TMEM276: variants seen among roughly 807,000 people sequenced by gnomAD.
TMEM276 encodes the protein transmembrane protein 276.
the TMEM276 span, chr8:144,465,371 C>A: frequency 9.6e-7 from 1 of 1,036,762 alleles, no homozygotes; most frequent in Non-Finnish European, 1.2e-6. Flanking sequence ...GCGGTCCCAA[C>A]GCAGCGGCGA....
At chr8:144,464,517 A>G in the TMEM276 span, 1 of 1,612,356 alleles carries the variant, frequency 6.2e-7, no homozygotes, top group South Asian at 1.1e-5. Context: ...CCCAGGCTCC[A>G]GCAAGGCAGT....
chr8:144,464,259 T>G, the TMEM276 span: 10 of 1,613,156 alleles, frequency 6.2e-6, no homozygotes, highest in South Asian at 7.7e-5. Context: ...TCAGGAGGCC[T>G]GCCACACCCA....
At chr8:144,464,581 A>G in the TMEM276 span, 8 of 1,610,196 alleles carry the variant, frequency 5.0e-6, no homozygotes, top group Non-Finnish European at 6.8e-6. Flanking sequence ...CAAGACCTGG[A>G]GCAGGAAGCC....
At chr8:144,466,847 G>C in the TMEM276 span, 22 of 1,536,774 alleles carry the variant, frequency 1.4e-5, no homozygotes, top group Non-Finnish European at 1.9e-5. Context: ...CGGTAGGTGC[G>C]GGCTGGGAGT....
the TMEM276 span, chr8:144,466,393 C>T: frequency 2.8e-6 from 3 of 1,061,864 alleles, no homozygotes; most frequent in Non-Finnish European, 2.4e-6. Flanking sequence ...CGGCGCGAAG[C>T]GGGGCCCTCT....
the TMEM276 span, chr8:144,464,057 C>T: frequency 1.4e-5 from 21 of 1,553,142 alleles, no homozygotes; most frequent in East Asian, 1.8e-4. Context: ...AGGGAGAAGG[C>T]GCCAGGAGCA....
the TMEM276 span, chr8:144,464,580 G>A: frequency 6.2e-7 from 1 of 1,610,336 alleles, no homozygotes; most frequent in African/African-American, 1.3e-5. Context: ...CCAAGACCTG[G>A]AGCAGGAAGC....
At chr8:144,464,812 G>GTGA in the TMEM276 span, 2 of 1,612,634 alleles carry the variant, frequency 1.2e-6, no homozygotes, top group African/African-American at 2.7e-5. Context: ...TACTCACCTC[G>GTGA]GCTGTGCTCA....
the TMEM276 span, chr8:144,465,458 G>C: frequency 2.0e-5 from 20 of 996,492 alleles, no homozygotes; most frequent in South Asian, 8.4e-5. Context: ...CCAGTTGCGG[G>C]AGCGAGCGCG....
the TMEM276 span, chr8:144,466,589 G>GC: frequency 1.1e-6 from 1 of 922,994 alleles, no homozygotes; most frequent in Non-Finnish European, 1.4e-6. Context: ...GGTTCCCGGG[G>GC]CGGGGGCGGG....
the TMEM276 span, chr8:144,464,152 T>G: frequency 6.2e-7 from 1 of 1,612,538 alleles, no homozygotes; most frequent in Non-Finnish European, 8.5e-7. Context: ...GCGCTGTGTA[T>G]GCAGGGCCCG....
At chr8:144,464,423 C>A in the TMEM276 span, 1,779 of 1,612,288 alleles carry the variant, frequency 1.1e-3, 1 homozygote, top group Non-Finnish European at 1.4e-3. Context: ...ATGCCTCCTC[C>A]CAGGAGCAGG....
At chr8:144,466,752 C>G in the TMEM276 span, 1 of 1,525,964 alleles carries the variant, frequency 6.6e-7, no homozygotes, top group South Asian at 1.2e-5. Context: ...CCCCTGCCCC[C>G]TCCCTAGAGA....
the TMEM276 span, chr8:144,466,960 C>T: frequency 6.3e-7 from 1 of 1,592,722 alleles, no homozygotes; most frequent in Non-Finnish European, 8.5e-7. Flanking sequence ...GACCGGCAGC[C>T]AGCTCCGAGC....
the TMEM276 span, chr8:144,464,949 A>G: frequency 9.4e-6 from 15 of 1,598,610 alleles, no homozygotes; most frequent in Non-Finnish European, 9.3e-6. Flanking sequence ...GGAGATACTC[A>G]ACTTTGGAGA....
At chr8:144,466,764 C>T in the TMEM276 span, 2 of 1,530,786 alleles carry the variant, frequency 1.3e-6, no homozygotes, top group Non-Finnish European at 1.7e-6. Context: ...CCCTAGAGAG[C>T]CCGCAAGCCC....
At chr8:144,465,181 C>T in the TMEM276 span, 5 of 1,344,328 alleles carry the variant, frequency 3.7e-6, no homozygotes, top group Non-Finnish European at 3.9e-6. Context: ...AGCCCTGGGG[C>T]CCTGGAGCCC....
At chr8:144,466,810 G>A in the TMEM276 span, 6 of 1,537,970 alleles carry the variant, frequency 3.9e-6, no homozygotes, top group South Asian at 1.2e-5. Flanking sequence ...CCGCGCCAGA[G>A]CTGTGGACCG....
At chr8:144,466,954 G>C in the TMEM276 span, 7 of 1,590,312 alleles carry the variant, frequency 4.4e-6, no homozygotes, top group Non-Finnish European at 3.4e-6. Flanking sequence ...CTCCCTGACC[G>C]GCAGCCAGCT....
Sources: gnomAD v4.1 joint callset for allele counts on GRCh38, gnomAD v4.1.1 for gene constraint, MANE v1.5 for transcripts, NCBI Gene and HGNC (gene_info 2026-07-23, HGNC 2026-07-21) for gene names.